C17orf99: variants seen among roughly 807,000 people sequenced by gnomAD.
The protein encoded by C17orf99 is chromosome 17 open reading frame 99.
Under a neutral mutation model 22.6 loss-of-function variants are expected in C17orf99, and 18 were observed. The observed-to-expected ratio is 0.80, with a 90% CI of 0.55 to 1.18. The LOEUF is 1.18. Among genes scored for constraint, C17orf99 ranks in the 50% most tolerant of loss-of-function variants. The pLI is 0.00. For missense variants in C17orf99, 328 were observed against 342.7 expected, an observed-to-expected ratio of 0.96 and a Z score of 0.34; for synonymous variants, 147 against 136.6, an observed-to-expected ratio of 1.08 and a Z score of -0.53.
intron 2 of C17orf99, among the ~76,000 whole-genome samples, chr17:78,147,644 C>A (rs1413406302): frequency 6.6e-6 from 1 of 152,194 alleles, no homozygotes; most frequent in African/African-American, 2.4e-5. Context: ...TCCCAACTAA[C>A]CCTTGCCCCT....
At chr17:78,165,072 A>T (rs778525860) in intron 4 of C17orf99, 15 of 1,052,100 alleles carry the variant, frequency 1.4e-5, no homozygotes, top group Non-Finnish European at 1.7e-5. Context: ...TGGTGGCAAG[A>T]GCCTGGGGCC....
At chr17:78,149,331 CAAAAAAAAAAAAAAAA>C (rs35155993) in intron 2 of C17orf99, among the ~76,000 whole-genome samples, 1 of 40,990 alleles carries the variant, frequency 2.4e-5, no homozygotes, top group Non-Finnish European at 5.1e-5. Flanking sequence ...GACTCTGCCT[CAAAAAAAAAAAAAAAA>C]AAAAAAAAAA....
intron 4 of C17orf99, chr17:78,165,074 C>A: frequency 9.5e-7 from 1 of 1,051,736 alleles, no homozygotes; most frequent in Non-Finnish European, 1.1e-6. Flanking sequence ...GTGGCAAGAG[C>A]CTGGGGCCCA....
At chr17:78,155,847 G>A (rs563944904) in intron 2 of C17orf99, among the ~76,000 whole-genome samples, 17 of 151,532 alleles carry the variant, frequency 1.1e-4, no homozygotes, top group African/African-American at 3.9e-4. Context: ...GGCTGGTCTT[G>A]AACTCCTGAC....
intron 2 of C17orf99, among the ~76,000 whole-genome samples, chr17:78,153,598 A>C (rs183433269): frequency 7.2e-5 from 11 of 152,354 alleles, no homozygotes; most frequent in African/African-American, 2.6e-4. Flanking sequence ...ATGGAAATGA[A>C]GAGAGAGAAG....
chr17:78,148,442 T>C (rs1250732222), intron 2 of C17orf99, among the ~76,000 whole-genome samples: 3 of 152,062 alleles, frequency 2.0e-5, no homozygotes, highest in South Asian at 2.1e-4. Flanking sequence ...GGTGGGAGGA[T>C]TGCTTGTCCG....
chr17:78,155,430 A>G (rs1458001323), intron 2 of C17orf99, among the ~76,000 whole-genome samples: 2 of 150,914 alleles, frequency 1.3e-5, no homozygotes, highest in Non-Finnish European at 1.5e-5. Context: ...CCTTCTTTCT[A>G]CCCCTCCCCC....
In C17orf99 at chr17:78,160,547, A is replaced by AAG. The variant is rs1555598430; in HGVS notation, c.71-392_71-391dup. On this transcript the variant is annotated intron_variant, in intron 2 of 4. Transcript: ENST00000340363. ...CAAGACTCCATCTAAAAAAAAAAAA[A>AAG]AGAGAGAGAGAGAGAGAACATGCTA... Among the ~76,000 whole-genome samples the AAG allele has an allele frequency of 1.3e-3, 180 of 143,494 alleles. 13 individuals carry two copies. The highest frequency in any genetic ancestry group is 5.5e-3 in the East Asian group (25 of 4,574). 94.1% of individuals were successfully genotyped at this position (143,494 alleles called of 152,430 possible).
intron 2 of C17orf99, among the ~76,000 whole-genome samples, chr17:78,154,622 C>T (rs549353932): frequency 6.6e-6 from 1 of 152,058 alleles, no homozygotes; most frequent in East Asian, 1.9e-4. Context: ...GCAGGTGGAT[C>T]ACCTGAGGTT....
chr17:78,163,604 C>T (rs945077630), intron 3 of C17orf99, among the ~76,000 whole-genome samples: 6 of 152,208 alleles, frequency 3.9e-5, no homozygotes, highest in African/African-American at 1.2e-4. Context: ...CGGTGGCTCA[C>T]GCCTAAAATC....
At chr17:78,149,331 C>CAA (rs35155993) in intron 2 of C17orf99, among the ~76,000 whole-genome samples, 68 of 41,002 alleles carry the variant, frequency 1.7e-3, no homozygotes, top group Admixed American at 6.5e-3. Flanking sequence ...GACTCTGCCT[C>CAA]AAAAAAAAAA....
chr17:78,154,920 ATTG>A (rs1206525333), intron 2 of C17orf99, among the ~76,000 whole-genome samples: 1 of 152,142 alleles, frequency 6.6e-6, no homozygotes, highest in East Asian at 1.9e-4. Context: ...TGAGAAAATA[ATTG>A]TTGGTGTCTG....
At chr17:78,162,106 T>C (rs1348810735) in intron 3 of C17orf99, among the ~76,000 whole-genome samples, 2 of 151,366 alleles carry the variant, frequency 1.3e-5, no homozygotes, top group African/African-American at 2.4e-5. Context: ...TGAAACCCCA[T>C]CTCTACTAAA....
intron 2 of C17orf99, among the ~76,000 whole-genome samples, chr17:78,160,546 AAAG>A (rs1171166673): frequency 1.3e-4 from 18 of 140,682 alleles, no homozygotes; most frequent in African/African-American, 4.4e-4. Flanking sequence ...AAAAAAAAAA[AAAG>A]AGAGAGAGAG....
rs944713680 is a variant in C17orf99 at position 78,155,986 on chromosome 17, C to T, written c.71-4969C>T. 3.7e-4 allele frequency among the ~76,000 whole-genome samples: 57 copies of T among 152,024 alleles called. 3 individuals are homozygous for T. Among genetic ancestry groups the T allele is most frequent in the Non-Finnish European group, 4.4e-5 (3 of 68,010 alleles). ...ATTGGTATAATACAACCCTCTCCCT[C>T]AAACCCCTATTCCAGAAACATTTTT... On this transcript the variant is annotated intron_variant, in intron 2 of 4. Coordinates refer to ENST00000340363, the MANE Select transcript of C17orf99 (RefSeq NM_001163075.2).
chr17:78,150,973 A>G (rs1470601470), intron 2 of C17orf99, among the ~76,000 whole-genome samples: 1 of 151,798 alleles, frequency 6.6e-6, no homozygotes, highest in Non-Finnish European at 1.5e-5. Flanking sequence ...AAATACAAAC[A>G]TTAGCCAGGC....
chr17:78,157,329 AGCGGCGGCG>A (rs60502457), intron 2 of C17orf99: 3 of 594,920 alleles, frequency 5.0e-6, no homozygotes, highest in South Asian at 1.7e-5. Context: ...TGTGTTCAGC[AGCGGCGGCG>A]GCGGCGGCGG....
Position 78,146,440 on chromosome 17 carries a change from G to C in C17orf99, c.33G>C (p.Val11=). The C allele has an allele frequency of 1.9e-6, 3 of 1,550,170 alleles. No homozygotes were observed. Among genetic ancestry groups the C allele is most frequent in the Non-Finnish European group, 2.6e-6 (3 of 1,146,848 alleles). MGLPGLFCLA[V]LAASSFSKAR... ...TCCCTGGGCTGTTCTGCTTGGCCGT[G>C]CTGGGTGAGTCCACCAGGGACGTGA... is the stretch of plus-strand genomic sequence containing the variant. The change falls in exon 1 of 5, where the codon GTG becomes GTC. Residue 11 remains valine, a synonymous_variant. Transcript: ENST00000340363. The surrounding 1 kb of genome is among the most constrained non-coding windows in gnomAD (Gnocchi z 5.2).
At chr17:78,161,949 G>C (rs1363996799) in intron 3 of C17orf99, among the ~76,000 whole-genome samples, 2 of 151,168 alleles carry the variant, frequency 1.3e-5, no homozygotes, top group East Asian at 4.0e-4. Context: ...TGGGTCTATA[G>C]CTATGTAAGC....
Sources: gnomAD v4.1 joint callset for allele counts (sites outside exome capture counted in the v4.1 genomes callset) on GRCh38, gnomAD v4.1.1 for gene constraint, Gnocchi (gnomAD v3.1) non-coding constraint, MANE v1.5 for transcripts, NCBI Gene and HGNC (gene_info 2026-07-23, HGNC 2026-07-21) for gene names.